P2RX1: variants seen among roughly 807,000 people sequenced by gnomAD.
P2RX1 encodes P2X purinoceptor 1.
Under a neutral mutation model 50.3 loss-of-function variants are expected in P2RX1, and 42 were observed. That is an observed-to-expected ratio of 0.83 (90% CI 0.65 to 1.08). The LOEUF (loss-of-function observed/expected upper bound fraction) is 1.08. Ranked by LOEUF, P2RX1 falls within the 50% of genes least tolerant of loss-of-function variation. The pLI is 0.00. For missense variants in P2RX1, 449 were observed against 529.0 expected (o/e 0.85, Z 1.48); for synonymous variants, 199 against 202.6 (o/e 0.98, Z 0.15).
In P2RX1 at chr17:3,905,327, C is replaced by T. The variant is rs1023284070; in HGVS notation, c.178G>A (p.Gly60Ser). 12 of 1,613,788 alleles carry T rather than the reference C, an allele frequency of 7.4e-6. No individual in the cohort carries two copies. Among genetic ancestry groups the T allele is most frequent in the Admixed American group, 1.7e-5 (1 of 60,008 alleles). Residue 60 changes from glycine (G) to serine (S), a missense_variant, in exon 2 of 12, where the codon GGC (glycine) becomes AGC (serine). By Grantham distance (56) the Gly-to-Ser change is moderately conservative. Transcript: ENST00000225538. ...LYEKGYQTSSGLISSVSVKLK... is the reference protein window; with the variant it reads ...LYEKGYQTSSSLISSVSVKLK... ...TTCACAGAGACACTGCTGATGAGGC[C>T]GCTCGAGGTCTGGTAGCCCTTCTCA... is the stretch of plus-strand genomic sequence containing the variant.
At chr17:3,915,288 A>G in intron 1 of P2RX1, 1 of 365,870 alleles carries the variant, frequency 2.7e-6, no homozygotes, top group Non-Finnish European at 5.4e-6. Context: ...ACATGGGCAC[A>G]GCCATATGTA....
chr17:3,900,073 C>T (rs1268001262), intron 7 of P2RX1, among the ~76,000 whole-genome samples: 1 of 151,734 alleles, frequency 6.6e-6, no homozygotes, highest in Admixed American at 6.6e-5. Context: ...TGCACTCTAG[C>T]CTGGGTGCAG....
chr17:3,905,523 G>A (rs1024058755), intron 1 of P2RX1, among the ~76,000 whole-genome samples, 156 bp from the exon 2 acceptor site: 6 of 152,164 alleles, frequency 3.9e-5, no homozygotes, highest in Admixed American at 6.5e-5. Flanking sequence ...CCTGCCTCCC[G>A]CTGCTGGCCT....
chr17:3,903,469 A>G lies in P2RX1; in HGVS notation c.605+82T>C. 1.1e-5 allele frequency: 18 copies of G among 1,586,306 alleles called. No individual in the cohort carries two copies. The highest frequency in any genetic ancestry group is 1.5e-5 in the Non-Finnish European group (17 of 1,156,496). On this transcript the variant is annotated intron_variant, in intron 6 of 11. Coordinates refer to ENST00000225538, the MANE Select transcript of P2RX1 (RefSeq NM_002558.4). The surrounding 1 kb of genome is among the most constrained non-coding windows in gnomAD (Gnocchi z 4.6). Reference sequence around the variant, plus strand: ...TTTGATTCCTTCCACGCCAGCAGGAATGGAGGGAGACAGAGACAGCTGAGA... The same window carrying G: ...TTTGATTCCTTCCACGCCAGCAGGAGTGGAGGGAGACAGAGACAGCTGAGA...
rs1364202886 is a variant in P2RX1 at position 3,905,387 on chromosome 17, G to T, written c.138-20C>A. 4 of 1,612,840 alleles carry T rather than the reference G, an allele frequency of 2.5e-6. No homozygotes were observed. Among genetic ancestry groups the T allele is most frequent in the Non-Finnish European group, 3.4e-6 (4 of 1,179,852 alleles). On this transcript the variant is annotated intron_variant, in intron 1 of 11. Transcript: ENST00000225538. ...ACCCACCTGTGCGGGTGGGGACAGA[G>T]GGGGAGTTGTGGTTGTGGCACCAGC... is the stretch of plus-strand genomic sequence containing the variant.
chr17:3,904,560 A>G (rs886492531), intron 3 of P2RX1, 161 bp from the exon 4 acceptor site: 7 of 707,358 alleles, frequency 9.9e-6, no homozygotes, highest in African/African-American at 5.3e-5. Context: ...TTCCCCCCAC[A>G]CTGCTCTGCC....
chr17:3,909,038 C>CT (rs372872643), intron 1 of P2RX1, among the ~76,000 whole-genome samples: 2,209 of 149,296 alleles, frequency 0.015, 61 homozygotes, highest in African/African-American at 0.051. Flanking sequence ...TCTATGAGTT[C>CT]TTTTTTTTTT....
chr17:3,898,712 A>G (rs534086275), intron 9 of P2RX1, among the ~76,000 whole-genome samples, 163 bp from the exon 10 acceptor site: 1 of 152,186 alleles, frequency 6.6e-6, no homozygotes, highest in African/African-American at 2.4e-5. Context: ...CTGGGTTTTG[A>G]CCTTGGCTCT....
At chr17:3,907,290 CGTGTGTGTGTGT>C (rs147411964) in intron 1 of P2RX1, among the ~76,000 whole-genome samples, 2 of 134,358 alleles carry the variant, frequency 1.5e-5, no homozygotes, top group African/African-American at 2.9e-5. Context: ...TTCAGGGTAA[CGTGTGTGTGTGT>C]GTGTGTGTGT....
Position 3,903,404 on chromosome 17 carries a change from C to T in P2RX1, c.606-61G>A. ...TCATCCGGGAGGGTGCCCACCACGC[C>T]CCAAAGCCTGGGGACCCCTCACAGG... On this transcript the variant is annotated intron_variant, in intron 6 of 11. Coordinates refer to ENST00000225538, the MANE Select transcript of P2RX1 (RefSeq NM_002558.4). This position sits in a 1 kb window ranked among gnomAD's most constrained non-coding sequence, Gnocchi z 4.6. 1 of 1,610,562 alleles carries T rather than the reference C, an allele frequency of 6.2e-7. No homozygotes were observed. The highest frequency in any genetic ancestry group is 8.5e-7 in the Non-Finnish European group (1 of 1,178,306).
chr17:3,909,272 C>T (rs182921416), intron 1 of P2RX1, among the ~76,000 whole-genome samples: 2,143 of 152,178 alleles, frequency 0.014, 18 homozygotes, highest in Non-Finnish European at 0.021. Flanking sequence ...CCTCGTGATC[C>T]GCCCGCCTCG....
At chr17:3,904,963 G>GGGGGGGGGGGGGGGGGGGGCC in intron 2 of P2RX1, 34 bp from the exon 3 acceptor site, 3 of 435,312 alleles carry the variant, frequency 6.9e-6, no homozygotes, top group East Asian at 6.5e-5. Context: ...GGTGGGGTGG[G>GGGGGGGGGGGGGGGGGGGGCC]CTGGGAGCTG....
rs376950241 is a variant in P2RX1 at position 3,898,026 on chromosome 17, C to T, written c.1117G>A (p.Asp373Asn). ...TCTCTTACCGCCCCTGGCCCCATGTCCTCAGCGTATTTGAACTTCTTCTGC... is the reference window on the plus strand; with the variant it reads ...TCTCTTACCGCCCCTGGCCCCATGTTCTCAGCGTATTTGAACTTCTTCTGC... ...YKQKKFKYAE[D>N]MGPGAAERDL... Residue 373 changes from aspartate (D) to asparagine (N), a missense_variant, in exon 11 of 12, where the codon GAC (aspartate) becomes AAC (asparagine). Asp to Asn is a conservative substitution (Grantham distance 23). Coordinates refer to ENST00000225538, the MANE Select transcript of P2RX1 (RefSeq NM_002558.4). 5.0e-6 allele frequency: 8 copies of T among 1,613,582 alleles called. No homozygotes were observed. The African/African-American group carries it at 5.4e-5, about 11-fold the overall frequency.
intron 7 of P2RX1, among the ~76,000 whole-genome samples, chr17:3,901,949 A>T (rs2056156158): frequency 6.6e-6 from 1 of 151,768 alleles, no homozygotes; most frequent in Admixed American, 6.6e-5. Flanking sequence ...CACTGAAGTT[A>T]AGAGACTTGT....
At chr17:3,898,405 A>T in intron 10 of P2RX1, 79 bp downstream of exon 10, 1 of 1,127,530 alleles carries the variant, frequency 8.9e-7, no homozygotes, top group Non-Finnish European at 1.3e-6. Flanking sequence ...TTTTAGGGTG[A>T]GGGACGTCTT....
chr17:3,899,482 T>C, intron 8 of P2RX1, 152 bp downstream of exon 8: 1 of 1,002,698 alleles, frequency 1.0e-6, no homozygotes, highest in Non-Finnish European at 1.5e-6. Context: ...TTCTCCCTGC[T>C]GGCTTCCTGC....
At position 3,899,618 on chromosome 17, in the gene P2RX1, G is replaced by A; in HGVS notation, c.875+16C>T. On this transcript the variant is annotated intron_variant, in intron 8 of 11. Coordinates refer to ENST00000225538, the MANE Select transcript of P2RX1 (RefSeq NM_002558.4). ...GACCACAAGGAAGAATGTGCTGCTG[G>A]GGGCCTGGCAGACACCTGAAGTTGA... is the stretch of plus-strand genomic sequence containing the variant. The A allele has an allele frequency of 6.2e-7, 1 of 1,612,332 alleles. No homozygotes were observed. The highest frequency in any genetic ancestry group is 1.1e-5 in the South Asian group (1 of 91,026).
At chr17:3,909,296 C>T (rs1249578305) in intron 1 of P2RX1, among the ~76,000 whole-genome samples, 1 of 152,144 alleles carries the variant, frequency 6.6e-6, no homozygotes, top group African/African-American at 2.4e-5. Context: ...TCCCAAGGTG[C>T]TGGGATTACA....
rs1275208417 is a variant in P2RX1, at chr17:3,905,328, G to A, written c.177C>T (p.Ser59=). The change falls in exon 2 of 12, where the codon AGC becomes AGT. Residue 59 remains serine, a synonymous_variant. Coordinates refer to ENST00000225538, the MANE Select transcript of P2RX1 (RefSeq NM_002558.4). The part of the protein sequence containing the change: ...FLYEKGYQTS[S]GLISSVSVKL... Reference sequence around the variant, plus strand: ...TCACAGAGACACTGCTGATGAGGCCGCTCGAGGTCTGGTAGCCCTTCTCAT... The same window carrying A: ...TCACAGAGACACTGCTGATGAGGCCACTCGAGGTCTGGTAGCCCTTCTCAT... The A allele has an allele frequency of 2.5e-6, 4 of 1,613,926 alleles. No individual in the cohort carries two copies. The highest frequency in any genetic ancestry group is 1.6e-4 in the Middle Eastern group (1 of 6,062).
Sources: gnomAD v4.1 joint callset for allele counts (sites outside exome capture counted in the v4.1 genomes callset) on GRCh38, gnomAD v4.1.1 for gene constraint, Gnocchi (gnomAD v3.1) non-coding constraint, MANE v1.5 for transcripts, NCBI Gene and HGNC (gene_info 2026-07-23, HGNC 2026-07-21) for gene names.